PLXNA4: variants seen among roughly 807,000 people sequenced by gnomAD.
PLXNA4 encodes the protein plexin A4.
A neutral mutation model predicts 191.8 loss-of-function variants in PLXNA4; 44 were observed. That is an observed-to-expected ratio of 0.23 (90% CI 0.18 to 0.29). The LOEUF (loss-of-function observed/expected upper bound fraction) is 0.29. Ranked by LOEUF, PLXNA4 falls within the 10% of genes least tolerant of loss-of-function variation. The probability of loss-of-function intolerance (pLI) is 1.00; values close to 1 mark genes in which losing one functional copy is unlikely to be tolerated. For synonymous variants in PLXNA4, 1,082 were observed against 1,009.5 expected (o/e 1.07, Z -1.36); for missense variants, 1,800 against 2,488.8 (o/e 0.72, Z 5.89).
At chr7:132,293,205 G>A (rs1423825100) in intron 4 of PLXNA4, among the ~76,000 whole-genome samples, 1 of 152,132 alleles carries the variant, frequency 6.6e-6, no homozygotes, top group African/African-American at 2.4e-5. Flanking sequence ...CAAGCCTCCC[G>A]ATTCAGTTGC....
At chr7:132,527,125 G>T (rs976999714) in intron 1 of PLXNA4, among the ~76,000 whole-genome samples, 11 of 152,180 alleles carry the variant, frequency 7.2e-5, no homozygotes, top group African/African-American at 2.7e-4. Context: ...TTAGGATGTA[G>T]ATTATTGGGA....
intron 2 of PLXNA4, among the ~76,000 whole-genome samples, chr7:132,601,010 A>G (rs909522637): frequency 6.6e-6 from 1 of 151,764 alleles, no homozygotes; most frequent in African/African-American, 2.4e-5. Context: ...TTCTGTTTTG[A>G]CTTTCTATCT....
intron 3 of PLXNA4, among the ~76,000 whole-genome samples, chr7:132,379,187 T>C (rs1287132072): frequency 6.6e-6 from 1 of 152,164 alleles, no homozygotes; most frequent in African/African-American, 2.4e-5. Flanking sequence ...TAACATTTCA[T>C]ACAAAATTCC....
At chr7:132,561,761 CT>C in intron 1 of PLXNA4, among the ~76,000 whole-genome samples, 1 of 139,952 alleles carries the variant, frequency 7.1e-6, no homozygotes, top group Non-Finnish European at 1.5e-5. Context: ...CCTCCTCCTC[CT>C]TCTCCTCCTT....
intron 29 of PLXNA4, among the ~76,000 whole-genome samples, 178 bp downstream of exon 29, chr7:132,144,941 A>G (rs1563054507): frequency 6.6e-6 from 1 of 152,236 alleles, no homozygotes. Flanking sequence ...GGGAGTGAGC[A>G]CAAAAATCTA....
At chr7:132,264,282 C>G (rs1434004512) in intron 4 of PLXNA4, 1 of 152,204 alleles carries the variant, frequency 6.6e-6, no homozygotes, top group African/African-American at 2.4e-5. Flanking sequence ...AGTTTGCTCC[C>G]TCTACTTTCT....
chr7:132,141,803 C>T (rs1367837890), intron 29 of PLXNA4, among the ~76,000 whole-genome samples: 1 of 152,192 alleles, frequency 6.6e-6, no homozygotes, highest in Non-Finnish European at 1.5e-5. Context: ...GATCTCAGCT[C>T]ATTGCAACCT....
chr7:132,481,619 C>T (rs1331403446), intron 3 of PLXNA4, among the ~76,000 whole-genome samples: 1 of 152,182 alleles, frequency 6.6e-6, no homozygotes, highest in African/African-American at 2.4e-5. Flanking sequence ...CTCAGTAGTT[C>T]CCTCTGCACC....
At chr7:132,281,216 A>C (rs1800466198) in intron 4 of PLXNA4, among the ~76,000 whole-genome samples, 1 of 152,186 alleles carries the variant, frequency 6.6e-6, no homozygotes, top group Non-Finnish European at 1.5e-5. Flanking sequence ...CTTTGTTTTA[A>C]TGGCTGTCAT....
In PLXNA4 at chr7:132,450,329, G is replaced by A. The variant is rs150625498; in HGVS notation, c.1371+38963C>T. Among the ~76,000 whole-genome samples, 26 of 152,332 alleles carry A rather than the reference G, an allele frequency of 1.7e-4. 1 individual carries two copies. In the East Asian group the frequency reaches 4.0e-3, roughly 24 times the overall value. ...GAAGGAGGTATGAAACCTCATACAT[G>A]AAGTTTCAAAATGGGAGGGAGTGCT... On this transcript the variant is annotated intron_variant, in intron 3 of 31. Coordinates refer to ENST00000321063, the MANE Select transcript of PLXNA4 (RefSeq NM_020911.2).
chr7:132,164,871 G>C (rs979319884), intron 23 of PLXNA4, among the ~76,000 whole-genome samples: 1 of 152,318 alleles, frequency 6.6e-6, no homozygotes, highest in South Asian at 2.1e-4. Flanking sequence ...TCAGCTTTAG[G>C]GACCATGCAG....
intron 2 of PLXNA4, among the ~76,000 whole-genome samples, chr7:132,500,477 G>A (rs1488971779): frequency 2.0e-5 from 3 of 151,672 alleles, no homozygotes; most frequent in Admixed American, 2.0e-4. Context: ...AAGAAGGAGG[G>A]GGAGGGGAAG....
At chr7:132,417,939 C>T (rs897891206) in intron 3 of PLXNA4, among the ~76,000 whole-genome samples, 1 of 152,192 alleles carries the variant, frequency 6.6e-6, no homozygotes, top group Non-Finnish European at 1.5e-5. Context: ...CCTCTAAAGA[C>T]TCTCTTCTTA....
intron 3 of PLXNA4, among the ~76,000 whole-genome samples, chr7:132,390,967 C>T (rs186581271): frequency 5.9e-5 from 9 of 152,298 alleles, no homozygotes; most frequent in Admixed American, 1.3e-4. Flanking sequence ...TGGGAAGGAA[C>T]GCAGAGGGCA....
chr7:132,587,124 G>C, intron 2 of PLXNA4, among the ~76,000 whole-genome samples: 1 of 141,742 alleles, frequency 7.1e-6, no homozygotes, highest in Admixed American at 7.0e-5. Flanking sequence ...CACACTTTCA[G>C]CACTTTATGA....
At chr7:132,265,426 C>A (rs1799812127) in intron 4 of PLXNA4, among the ~76,000 whole-genome samples, 1 of 152,182 alleles carries the variant, frequency 6.6e-6, no homozygotes, top group Non-Finnish European at 1.5e-5. Flanking sequence ...GCCTTTGGAA[C>A]CATTATTCAT....
At chr7:132,306,979 C>T (rs1297994314) in intron 3 of PLXNA4, among the ~76,000 whole-genome samples, 3 of 152,064 alleles carry the variant, frequency 2.0e-5, no homozygotes, top group South Asian at 2.1e-4. Flanking sequence ...GCAACTGGCT[C>T]GTTGTGGGTT....
In PLXNA4 at chr7:132,179,825, C is replaced by A; in HGVS notation, c.3736G>T (p.Gly1246Cys). The change falls in exon 20 of 32, where the codon GGC (glycine) becomes TGC (cysteine). Residue 1246 changes from glycine (G) to cysteine (C), a missense_variant. Gly to Cys is a radical substitution (Grantham distance 159, BLOSUM62 -3). Around this residue, in one of 6 missense-constraint regions of PLXNA4, gnomAD observed 1,397 missense variants for 1,880.4 expected, o/e 0.74. Transcript: ENST00000321063. ...ACGATGAAAATGATGAGGAGGCCGC[C>A]AGCCACTGCGATGCTGACGATGGCG... Reference protein sequence around the residue: ...LPAIVSIAVAGGLLIIFIVAV... With the variant: ...LPAIVSIAVACGLLIIFIVAV... 2 of 1,613,444 alleles carry A rather than the reference C, an allele frequency of 1.2e-6. No homozygotes were observed. Among genetic ancestry groups the A allele is most frequent in the Non-Finnish European group, 1.7e-6 (2 of 1,179,946 alleles).
At chr7:132,563,134 T>C (rs1801395792) in intron 1 of PLXNA4, among the ~76,000 whole-genome samples, 1 of 96,906 alleles carries the variant, frequency 1.0e-5, no homozygotes, top group African/African-American at 3.9e-5. Flanking sequence ...CTCCTCCTCC[T>C]CCTTCTCCTC....
Sources: gnomAD v4.1 joint callset for allele counts (sites outside exome capture counted in the v4.1 genomes callset) on GRCh38, gnomAD v4.1.1 for gene constraint, gnomAD v4.1.1 regional missense constraint, MANE v1.5 for transcripts, NCBI Gene and HGNC (gene_info 2026-07-23, HGNC 2026-07-21) for gene names.